Variants in RASGRF2 observed in about 807,000 individuals in gnomAD.
The protein encoded by RASGRF2 is Ras protein specific guanine nucleotide releasing factor 2.
Under a neutral mutation model 151.0 loss-of-function variants are expected in RASGRF2, and 76 were observed. The ratio of observed to expected loss-of-function variants is 0.50; its 90% CI spans 0.42 to 0.61. The LOEUF is 0.61. Among genes scored for constraint, RASGRF2 ranks in the 20% least tolerant of loss-of-function variants. RASGRF2 has a pLI of 0.00. For synonymous variants in RASGRF2, 504 were observed against 566.5 expected (o/e 0.89, Z 1.57); for missense variants, 1,148 against 1,564.6 (o/e 0.73, Z 4.49).
intron 23 of RASGRF2, among the ~76,000 whole-genome samples, 162 bp from the exon 24 acceptor site, chr5:81,215,714 G>A (rs1256857766): frequency 6.6e-6 from 1 of 152,156 alleles, no homozygotes; most frequent in Non-Finnish European, 1.5e-5. Flanking sequence ...TAAACATAAT[G>A]CCCTGTCTCT....
chr5:80,973,698 C>A (rs1388717590), intron 1 of RASGRF2, among the ~76,000 whole-genome samples: 1 of 152,212 alleles, frequency 6.6e-6, no homozygotes, highest in African/African-American at 2.4e-5. Flanking sequence ...ACTCCATAAT[C>A]ACCTCGCTCC....
At chr5:81,167,911 G>T (rs1280588172) in intron 17 of RASGRF2, among the ~76,000 whole-genome samples, 7 of 152,170 alleles carry the variant, frequency 4.6e-5, no homozygotes, top group Non-Finnish European at 1.5e-5. Flanking sequence ...TGGATATTCT[G>T]CACTGCCAGA....
At position 81,119,845 on chromosome 5, in the gene RASGRF2, A is replaced by C. The variant is rs1468790820; in HGVS notation, c.2471-3797A>C. Among the ~76,000 whole-genome samples, 5 of 152,330 alleles carry C rather than the reference A, an allele frequency of 3.3e-5. No individual in the cohort carries two copies. The East Asian group carries it at 9.6e-4, about 29-fold the overall frequency. ...TGGATTTCCCCAAAACAAGTGATTT[A>C]GTGTTATATTTTTTTCAGTTAATTT... On this transcript the variant is annotated intron_variant, in intron 15 of 26. Transcript: ENST00000265080.
intron 18 of RASGRF2, among the ~76,000 whole-genome samples, chr5:81,196,436 A>G (rs374822735): frequency 1.3e-5 from 2 of 152,378 alleles, no homozygotes; most frequent in South Asian, 2.1e-4. Context: ...CAGCAAAGCA[A>G]CTATTCAACT....
chr5:81,111,827 G>T (rs1753003288), intron 13 of RASGRF2, among the ~76,000 whole-genome samples: 1 of 152,142 alleles, frequency 6.6e-6, no homozygotes, highest in South Asian at 2.1e-4. Context: ...TAAAAGGGGA[G>T]GGGTGAGGAA....
At chr5:81,175,617 A>G (rs1472796750) in intron 17 of RASGRF2, among the ~76,000 whole-genome samples, 1 of 151,998 alleles carries the variant, frequency 6.6e-6, no homozygotes, top group Non-Finnish European at 1.5e-5. Flanking sequence ...TTAGCTGGGC[A>G]TGGTGGCGCC....
At chr5:81,022,728 C>T (rs1182016635) in intron 1 of RASGRF2, among the ~76,000 whole-genome samples, 2 of 152,168 alleles carry the variant, frequency 1.3e-5, no homozygotes, top group African/African-American at 2.4e-5. Flanking sequence ...CGTCCTCCTC[C>T]CTGGGAGAGG....
At chr5:81,210,902 T>C (rs576517958) in intron 22 of RASGRF2, among the ~76,000 whole-genome samples, 17 of 152,178 alleles carry the variant, frequency 1.1e-4, no homozygotes, top group Non-Finnish European at 2.2e-4. Context: ...TCCCAGCACT[T>C]TGGGAGGCCG....
intron 15 of RASGRF2, among the ~76,000 whole-genome samples, chr5:81,122,099 C>G (rs146224627): frequency 4.1e-4 from 62 of 152,322 alleles, no homozygotes; most frequent in African/African-American, 1.4e-3. Context: ...CCAGTGCTGG[C>G]ATGGTTTCTT....
chr5:81,025,778 C>T (rs971678834), intron 1 of RASGRF2, among the ~76,000 whole-genome samples: 1 of 152,178 alleles, frequency 6.6e-6, no homozygotes, highest in Non-Finnish European at 1.5e-5. Context: ...TGGACTGCTG[C>T]TGTCACTGTA....
intron 12 of RASGRF2, among the ~76,000 whole-genome samples, chr5:81,103,813 T>C (rs939323114): frequency 6.6e-6 from 1 of 152,160 alleles, no homozygotes; most frequent in Non-Finnish European, 1.5e-5. Flanking sequence ...AATGAAAACC[T>C]CTTAAATGTA....
At chr5:80,992,601 G>C (rs974024899) in intron 1 of RASGRF2, among the ~76,000 whole-genome samples, 6 of 152,256 alleles carry the variant, frequency 3.9e-5, no homozygotes, top group African/African-American at 1.2e-4. Flanking sequence ...AGTTATAAAA[G>C]TTCTCATTCC....
chr5:80,977,034 G>T (rs568142160), intron 1 of RASGRF2, among the ~76,000 whole-genome samples: 1 of 152,278 alleles, frequency 6.6e-6, no homozygotes, highest in South Asian at 2.1e-4. Context: ...TGTTGGCAAG[G>T]TTCACCTATT....
intron 12 of RASGRF2, among the ~76,000 whole-genome samples, chr5:81,105,535 G>C (rs1256202978): frequency 1.3e-5 from 2 of 152,176 alleles, no homozygotes; most frequent in African/African-American, 4.8e-5. Context: ...GTCATTCTAA[G>C]GCTGTTGTCT....
chr5:80,978,542 T>G (rs1358851252), intron 1 of RASGRF2, among the ~76,000 whole-genome samples: 3 of 152,204 alleles, frequency 2.0e-5, no homozygotes, highest in African/African-American at 4.8e-5. Flanking sequence ...ATTCCTGCAC[T>G]TTGGGAGGCT....
At chr5:81,011,555 A>G (rs892567821) in intron 1 of RASGRF2, among the ~76,000 whole-genome samples, 2 of 152,052 alleles carry the variant, frequency 1.3e-5, no homozygotes, top group Non-Finnish European at 2.9e-5. Context: ...TAGCCTGACT[A>G]ACATGGAGAA....
chr5:81,154,058 C>A (rs779149390), intron 17 of RASGRF2, among the ~76,000 whole-genome samples: 1 of 151,698 alleles, frequency 6.6e-6, no homozygotes, highest in Non-Finnish European at 1.5e-5. Flanking sequence ...CCTAAATACA[C>A]GAAGCAAAAA....
At chr5:81,142,929 A>G (rs921212220) in intron 17 of RASGRF2, among the ~76,000 whole-genome samples, 3 of 151,994 alleles carry the variant, frequency 2.0e-5, no homozygotes, top group South Asian at 2.1e-4. Flanking sequence ...AATGCATCCA[A>G]CTGGGTCCTG....
At chr5:81,111,402 G>A (rs931431500) in intron 13 of RASGRF2, among the ~76,000 whole-genome samples, 7 of 152,188 alleles carry the variant, frequency 4.6e-5, no homozygotes, top group African/African-American at 1.7e-4. Context: ...CAGATGGGAG[G>A]TTTTACAGAA....
Sources: gnomAD v4.1 joint callset for allele counts (sites outside exome capture counted in the v4.1 genomes callset) on GRCh38, gnomAD v4.1.1 for gene constraint, MANE v1.5 for transcripts, NCBI Gene and HGNC (gene_info 2026-07-23, HGNC 2026-07-21) for gene names.